Variants in BAZ1A observed in about 807,000 individuals in gnomAD.
BAZ1A encodes the protein bromodomain adjacent to zinc finger domain 1A.
A neutral mutation model predicts 185.2 loss-of-function variants in BAZ1A; 50 were observed. That is an observed-to-expected ratio of 0.27 (90% confidence interval 0.22 to 0.34). BAZ1A has a LOEUF of 0.34. Ranked by LOEUF, BAZ1A falls within the 10% of genes least tolerant of loss-of-function variation. BAZ1A has a pLI of 1.00. For synonymous variants in BAZ1A, 571 were observed against 615.6 expected, an observed-to-expected ratio of 0.93 and a Z score of 1.07; for missense variants, 1,356 against 1,839.9, an observed-to-expected ratio of 0.74 and a Z score of 4.81.
intron 4 of BAZ1A, among the ~76,000 whole-genome samples, chr14:34,819,626 GAAT>G (rs1294206843): frequency 1.3e-5 from 2 of 152,106 alleles, no homozygotes; most frequent in Admixed American, 6.5e-5. Context: ...TTTTAGTGCT[GAAT>G]AATAGTCCAT....
At position 34,776,524 on chromosome 14, in the gene BAZ1A, AAAAT is replaced by A. The variant is rs1206265451; in HGVS notation, c.2237-13_2237-10del. 3.3e-6 allele frequency: 5 copies of A among 1,526,396 alleles called. No individual in the cohort carries two copies. In the Admixed American group the frequency reaches 8.6e-5, roughly 26 times the overall value. The allele number at this position is 1,526,396 out of a possible 1,614,324, so 94.6% of individuals were successfully genotyped here. The stretch of plus-strand genomic sequence containing the variant: ...ATTTTGTCCTCTTTTCCCTGTAATT[AAAAT>A]AAAATGTTTCATCATCATCATATTT... On this transcript the variant is annotated splice_polypyrimidine_tract_variant and intron_variant, in intron 17 of 26. Coordinates refer to ENST00000360310, the MANE Select transcript of BAZ1A (RefSeq NM_013448.3).
chr14:34,817,935 T>C (rs2042031414), intron 4 of BAZ1A, among the ~76,000 whole-genome samples: 1 of 152,148 alleles, frequency 6.6e-6, no homozygotes, highest in Non-Finnish European at 1.5e-5. Flanking sequence ...GTTTGGCAGT[T>C]CCTCAAAAAG....
At chr14:34,787,718 G>C (rs917054684) in intron 12 of BAZ1A, among the ~76,000 whole-genome samples, 1 of 152,026 alleles carries the variant, frequency 6.6e-6, no homozygotes, top group Non-Finnish European at 1.5e-5. Context: ...AAACACAATA[G>C]GAAGATTTCC....
chr14:34,785,766 G>T lies in BAZ1A; in HGVS notation c.1831+11C>A, dbSNP rs76934397. ...GGGCAGGTTATGCAAATTCCAACTT[G>T]CAAAGCTTACCTGGTGTCAAATCAT... is the stretch of plus-strand genomic sequence containing the variant. On this transcript the variant is annotated intron_variant, in intron 14 of 26. Coordinates refer to ENST00000360310, the MANE Select transcript of BAZ1A (RefSeq NM_013448.3). The T allele has an allele frequency of 3.5e-4, 572 of 1,612,590 alleles. 2 individuals are homozygous for T. Among genetic ancestry groups the T allele is most frequent in the Non-Finnish European group, 4.5e-4 (534 of 1,179,368 alleles).
In BAZ1A at chr14:34,875,302, G is replaced by A. The variant is rs531049719; in HGVS notation, c.-223C>T. 129 of 455,598 alleles carry A rather than the reference G, an allele frequency of 2.8e-4. 1 individual carries two copies. Among genetic ancestry groups the A allele is most frequent in the Non-Finnish European group, 4.9e-4 (111 of 226,626 alleles). The allele number at this position is 455,598 out of a possible 1,614,324, so 28.2% of individuals were successfully genotyped here. On this transcript the variant is annotated 5_prime_UTR_variant, in exon 1 of 27. Transcript: ENST00000360310. ...TCCGCGCGGGGAATTGCGTCCCACC[G>A]CCACTTCCCCGCCTCTCGGAGCTCC...
chr14:34,832,185 T>TAC (rs1436351180), intron 3 of BAZ1A, among the ~76,000 whole-genome samples: 9 of 86,158 alleles, frequency 1.0e-4, no homozygotes, highest in South Asian at 5.1e-4. Flanking sequence ...TATACATATA[T>TAC]ACATATACAC....
intron 20 of BAZ1A, 51 bp downstream of exon 20, chr14:34,773,519 ACC>A: frequency 2.1e-6 from 3 of 1,403,006 alleles, no homozygotes; most frequent in Admixed American, 2.5e-5. Flanking sequence ...AAAAAAAAAA[ACC>A]TTAAAATGGC....
At chr14:34,850,471 G>C (rs892128388) in intron 3 of BAZ1A, among the ~76,000 whole-genome samples, 4 of 152,200 alleles carry the variant, frequency 2.6e-5, no homozygotes, top group African/African-American at 9.6e-5. Flanking sequence ...TAGGACTTAG[G>C]TCAATAGGCT....
chr14:34,791,112 A>C (rs1204791256), intron 12 of BAZ1A, among the ~76,000 whole-genome samples: 2 of 150,138 alleles, frequency 1.3e-5, no homozygotes, highest in Admixed American at 6.7e-5. Context: ...ACAAGAGCGA[A>C]ACTCTGTCTC....
At chr14:34,764,239 A>G (rs1419756404) in intron 23 of BAZ1A, among the ~76,000 whole-genome samples, 2 of 151,998 alleles carry the variant, frequency 1.3e-5, no homozygotes, top group South Asian at 4.1e-4. Context: ...ATAATATATA[A>G]AAAGCAAGGG....
intron 3 of BAZ1A, among the ~76,000 whole-genome samples, chr14:34,847,641 T>C (rs886553369): frequency 5.9e-5 from 9 of 152,210 alleles, no homozygotes; most frequent in African/African-American, 2.2e-4. Flanking sequence ...AAAATAACTG[T>C]ATTTGTTTCT....
At chr14:34,851,517 T>G (rs2042596412) in intron 3 of BAZ1A, among the ~76,000 whole-genome samples, 1 of 152,150 alleles carries the variant, frequency 6.6e-6, no homozygotes, top group Non-Finnish European at 1.5e-5. Flanking sequence ...CTTTGTTGTA[T>G]GATTTCCACA....
chr14:34,813,875 T>C (rs937958679), intron 4 of BAZ1A, among the ~76,000 whole-genome samples: 9 of 151,680 alleles, frequency 5.9e-5, no homozygotes, highest in African/African-American at 2.2e-4. Flanking sequence ...AAACCTCGTC[T>C]CTACTGAAAA....
chr14:34,836,617 C>T (rs2042336096), intron 3 of BAZ1A, among the ~76,000 whole-genome samples: 1 of 151,868 alleles, frequency 6.6e-6, no homozygotes, highest in African/African-American at 2.4e-5. Flanking sequence ...CATTCTGCCT[C>T]ATTAACCTTT....
chr14:34,791,398 TTTAA>T (rs1880839311), intron 12 of BAZ1A, among the ~76,000 whole-genome samples: 2 of 152,214 alleles, frequency 1.3e-5, no homozygotes, highest in African/African-American at 4.8e-5. Context: ...AGAATTATCA[TTTAA>T]TTGACTAAAT....
rs138268869 is a variant in BAZ1A, at chr14:34,799,125, A to G, written c.1128+1099T>C. ...TGGAAACCATCATTCTCAGCAAACT[A>G]TCACAAGGACAGAAAACCAAACACC... On this transcript the variant is annotated intron_variant, in intron 9 of 26. Transcript: ENST00000360310. Among the ~76,000 whole-genome samples, 632 of 151,470 alleles carry G rather than the reference A, an allele frequency of 4.2e-3. 8 individuals are homozygous for G. The highest frequency in any genetic ancestry group is 0.014 in the African/African-American group (593 of 41,326).
At position 34,765,238 on chromosome 14, in the gene BAZ1A, G is replaced by C. The variant is rs777531640; in HGVS notation, c.3332C>G (p.Thr1111Arg). Residue 1111 changes from threonine (T) to arginine (R), a missense_variant, in exon 22 of 27, where the codon ACA (threonine) becomes AGA (arginine). Thr to Arg is a moderately conservative substitution (Grantham distance 71, BLOSUM62 -1). Transcript: ENST00000360310. ...AGACTCTCTCCAACGGTCCAGAACT[G>C]TTTTATAAGAACGCCCACTGTCACT... is the stretch of plus-strand genomic sequence containing the variant. Reference protein sequence around the residue: ...DASDSGRSYKTVLDRWRESLL... With the variant: ...DASDSGRSYKRVLDRWRESLL... 8 of 1,613,874 alleles carry C rather than the reference G, an allele frequency of 5.0e-6. No homozygotes were observed. Among genetic ancestry groups the C allele is most frequent in the Non-Finnish European group, 6.8e-6 (8 of 1,179,932 alleles).
chr14:34,765,026 G>C lies in BAZ1A; in HGVS notation c.3544C>G (p.Leu1182Val). 1 of 1,613,996 alleles carries C rather than the reference G, an allele frequency of 6.2e-7. No individual in the cohort carries two copies. The highest frequency in any genetic ancestry group is 8.5e-7 in the Non-Finnish European group (1 of 1,179,974). The change falls in exon 22 of 27, where the codon CTC becomes GTC. Residue 1182 changes from leucine (L) to valine (V), a missense_variant. By Grantham distance (32) the Leu-to-Val change is conservative. Coordinates refer to ENST00000360310, the MANE Select transcript of BAZ1A (RefSeq NM_013448.3). The stretch of plus-strand genomic sequence containing the variant: ...TGATAAGAAGAAAAAAATACCTTGA[G>C]CTTTGGTCGAACACAGTAGGTATGA... ...GHHTYCVRPKLKTVPEGDWFC... is the reference protein window; with the variant it reads ...GHHTYCVRPKVKTVPEGDWFC...
intron 3 of BAZ1A, among the ~76,000 whole-genome samples, chr14:34,829,384 A>C (rs1349080737): frequency 3.3e-5 from 5 of 151,964 alleles, no homozygotes; most frequent in Non-Finnish European, 7.4e-5. Flanking sequence ...GAGTGAGACT[A>C]TCTAAAAAAA....
Sources: allele counts gnomAD v4.1 joint callset (sites outside exome capture counted in the v4.1 genomes callset), GRCh38; gene constraint gnomAD v4.1.1; transcripts MANE v1.5; gene names NCBI Gene and HGNC (gene_info 2026-07-23, HGNC 2026-07-21).